The following SH3D19 variants were observed in gnomAD, a reference collection of about 807,000 sequenced individuals.
SH3D19 encodes the protein SH3 domain-containing protein 19.
Under a neutral mutation model 112.1 loss-of-function variants are expected in SH3D19, and 58 were observed. That is an observed-to-expected ratio of 0.52 (90% confidence interval 0.42 to 0.64). SH3D19 has a LOEUF of 0.64. SH3D19 is among the 30% of genes least tolerant of loss of function. The pLI, the probability that SH3D19 is intolerant of heterozygous loss-of-function variation, is 0.00. For synonymous variants in SH3D19, 391 were observed against 448.5 expected, an observed-to-expected ratio of 0.87 and a Z score of 1.62; for missense variants, 1,090 against 1,263.4, an observed-to-expected ratio of 0.86 and a Z score of 2.08.
At chr4:151,304,898 G>A (rs548871260) in intron 1 of SH3D19, among the ~76,000 whole-genome samples, 1 of 152,254 alleles carries the variant, frequency 6.6e-6, no homozygotes, top group African/African-American at 2.4e-5. Flanking sequence ...GAGTACTGAA[G>A]GTGTGTCAAA....
intron 2 of SH3D19, among the ~76,000 whole-genome samples, chr4:151,216,414 G>A (rs2149923077): frequency 6.6e-6 from 1 of 152,238 alleles, no homozygotes; most frequent in Admixed American, 6.5e-5. Flanking sequence ...GATAGATTGA[G>A]GGCCACAAAG....
intron 11 of SH3D19, 57 bp downstream of exon 11, chr4:151,147,865 T>C (rs1754204183): frequency 6.6e-7 from 1 of 1,525,506 alleles, no homozygotes; most frequent in Non-Finnish European, 8.8e-7. Context: ...TGATGAATCG[T>C]ATATATACTT....
chr4:151,188,967 A>C (rs1400206763), intron 2 of SH3D19, among the ~76,000 whole-genome samples: 1 of 152,104 alleles, frequency 6.6e-6, no homozygotes, highest in Non-Finnish European at 1.5e-5. Context: ...AGGTACACCA[A>C]AGACTGCTGG....
chr4:151,308,657 C>T (rs1729149247), intron 1 of SH3D19, among the ~76,000 whole-genome samples: 1 of 152,154 alleles, frequency 6.6e-6, no homozygotes, highest in South Asian at 2.1e-4. Flanking sequence ...CTTGGGGAGG[C>T]TGACTGTGAG....
intron 2 of SH3D19, among the ~76,000 whole-genome samples, chr4:151,218,479 G>T (rs1013184668): frequency 1.3e-5 from 2 of 151,422 alleles, no homozygotes; most frequent in Non-Finnish European, 2.9e-5. Context: ...GGGATACAGT[G>T]GTGTGATCAT....
intron 2 of SH3D19, among the ~76,000 whole-genome samples, chr4:151,208,923 C>T (rs1234849613): frequency 7.0e-6 from 1 of 143,242 alleles, no homozygotes. Context: ...GTGATCCGCC[C>T]GCCTCAGCCT....
intron 1 of SH3D19, among the ~76,000 whole-genome samples, chr4:151,313,782 G>A (rs1729728348): frequency 6.6e-6 from 1 of 152,132 alleles, no homozygotes; most frequent in Non-Finnish European, 1.5e-5. Flanking sequence ...CACTGAGCTA[G>A]CCTATATGTT....
intron 1 of SH3D19, among the ~76,000 whole-genome samples, chr4:151,301,563 C>T (rs1263851493): frequency 6.6e-6 from 1 of 151,996 alleles, no homozygotes; most frequent in African/African-American, 2.4e-5. Flanking sequence ...TGGCACTCCC[C>T]GCTCTCTCTC....
intron 1 of SH3D19, among the ~76,000 whole-genome samples, chr4:151,311,682 T>A (rs1029525634): frequency 6.6e-6 from 1 of 152,064 alleles, no homozygotes; most frequent in Non-Finnish European, 1.5e-5. Context: ...CTACAAAAAA[T>A]TTTTTAAAAG....
At chr4:151,250,056 G>A (rs1420807869) in intron 1 of SH3D19, among the ~76,000 whole-genome samples, 3 of 152,156 alleles carry the variant, frequency 2.0e-5, no homozygotes, top group Non-Finnish European at 4.4e-5. Flanking sequence ...CTCCATCACT[G>A]TGAATTGGTG....
intron 1 of SH3D19, among the ~76,000 whole-genome samples, chr4:151,237,067 A>G (rs537540785): frequency 1.3e-5 from 2 of 152,244 alleles, no homozygotes; most frequent in East Asian, 3.9e-4. Context: ...GCTGCTGCTC[A>G]CCCTTTGGGT....
At chr4:151,168,624 G>A (rs1038896889) in intron 7 of SH3D19, among the ~76,000 whole-genome samples, 3 of 151,918 alleles carry the variant, frequency 2.0e-5, no homozygotes, top group Non-Finnish European at 4.4e-5. Flanking sequence ...GTAGAGATGA[G>A]GTTTCACTGT....
At chr4:151,158,921 T>G (rs1191616274) in intron 9 of SH3D19, among the ~76,000 whole-genome samples, 2 of 152,182 alleles carry the variant, frequency 1.3e-5, no homozygotes. Context: ...TGAATAAAGT[T>G]ATTTCCCTGA....
At chr4:151,285,200 G>A (rs1774629179) in intron 1 of SH3D19, among the ~76,000 whole-genome samples, 1 of 152,128 alleles carries the variant, frequency 6.6e-6, no homozygotes, top group Non-Finnish European at 1.5e-5. Context: ...TTTATATGCT[G>A]TCCACAATTT....
intron 8 of SH3D19, among the ~76,000 whole-genome samples, chr4:151,163,393 TA>T (rs1365474377): frequency 6.6e-6 from 1 of 152,212 alleles, no homozygotes; most frequent in Non-Finnish European, 1.5e-5. Flanking sequence ...CTAATTTCTG[TA>T]AAAGTTGTAT....
At chr4:151,239,319 A>G (rs111945690) in intron 1 of SH3D19, among the ~76,000 whole-genome samples, 6,401 of 152,244 alleles carry the variant, frequency 0.042, 384 homozygotes, top group African/African-American at 0.14. Flanking sequence ...TAGGTACAAC[A>G]TAAGTGTCTG....
chr4:151,172,200 T>C (rs1360701310), intron 7 of SH3D19, among the ~76,000 whole-genome samples: 1 of 152,184 alleles, frequency 6.6e-6, no homozygotes, highest in Non-Finnish European at 1.5e-5. Context: ...TAAACCTTTA[T>C]TTACAATGAC....
At chr4:151,238,487 T>C (rs1456652567) in intron 1 of SH3D19, among the ~76,000 whole-genome samples, 2 of 152,212 alleles carry the variant, frequency 1.3e-5, no homozygotes, top group Non-Finnish European at 2.9e-5. Context: ...TGTCTTCTCT[T>C]CCATTAGTTT....
chr4:151,148,042 C>T lies in SH3D19; in HGVS notation c.1962G>A (p.Gln654=). 1 of 1,614,040 alleles carries T rather than the reference C, an allele frequency of 6.2e-7. No individual in the cohort carries two copies. Among genetic ancestry groups the T allele is most frequent in the South Asian group, 1.1e-5 (1 of 91,064 alleles). The change falls in exon 11 of 20, where the codon CAG becomes CAA. Residue 654 remains glutamine, a synonymous_variant. Coordinates refer to ENST00000604030, the MANE Select transcript of SH3D19 (RefSeq NM_001378122.1). ...CAGTTGCCAAGTTACTTTGTTTTTT[C>T]TGAAGATCCATGTCAGAAGAGGATC... ...FNRSSSDMDL[Q]KKQSNLATGL...
Sources: gnomAD v4.1 joint callset for allele counts (sites outside exome capture counted in the v4.1 genomes callset) on GRCh38, gnomAD v4.1.1 for gene constraint, MANE v1.5 for transcripts, NCBI Gene and HGNC (gene_info 2026-07-23, HGNC 2026-07-21) for gene names.